The following HAPSTR1 variants were observed in gnomAD, a reference collection of about 807,000 sequenced individuals.
HAPSTR1 encodes HUWE1 associated protein modifying stress responses.
chr16:9,098,735 A>G, the HAPSTR1 span, among the ~76,000 whole-genome samples: 1 of 152,226 alleles, frequency 6.6e-6, no homozygotes, highest in East Asian at 1.9e-4. Flanking sequence ...AAGTTTAAAA[A>G]TCACGTAGTC....
chr16:9,091,868 C>T, the HAPSTR1 span: 1 of 447,436 alleles, frequency 2.2e-6, no homozygotes, highest in Non-Finnish European at 3.7e-6. Context: ...TTGCACGGGG[C>T]CGCGGGGCGG....
At chr16:9,101,140 C>T in the HAPSTR1 span, among the ~76,000 whole-genome samples, 3 of 152,186 alleles carry the variant, frequency 2.0e-5, no homozygotes, top group Non-Finnish European at 4.4e-5. Context: ...CTTAATGCCT[C>T]CAGCTCTTTC....
At chr16:9,103,207 C>T in the HAPSTR1 span, 1 of 1,614,190 alleles carries the variant, frequency 6.2e-7, no homozygotes, top group Non-Finnish European at 8.5e-7. Flanking sequence ...CGGAAACTAG[C>T]TCATCTGTAG....
At chr16:9,119,937 A>T in the HAPSTR1 span, 4 of 152,262 alleles carry the variant, frequency 2.6e-5, no homozygotes, top group Non-Finnish European at 5.9e-5. Flanking sequence ...CCAGAGGGCT[A>T]GTCAGCCTCA....
the HAPSTR1 span, chr16:9,111,190 G>T: frequency 3.3e-5 from 5 of 152,258 alleles, no homozygotes; most frequent in Admixed American, 6.5e-5. Flanking sequence ...TCTCAGCAGT[G>T]TGTGGGAACA....
chr16:9,117,389 G>A, the HAPSTR1 span: 1 of 158,456 alleles, frequency 6.3e-6, no homozygotes, highest in Non-Finnish European at 1.4e-5. Context: ...CCATGCACCT[G>A]GTTTCTATAT....
the HAPSTR1 span, chr16:9,119,296 A>G: frequency 2.6e-5 from 4 of 152,258 alleles, no homozygotes; most frequent in South Asian, 2.1e-4. Flanking sequence ...GAGATGCAAA[A>G]CAAATCATGG....
At chr16:9,115,739 G>A in the HAPSTR1 span, among the ~76,000 whole-genome samples, 474 of 152,136 alleles carry the variant, frequency 3.1e-3, 4 homozygotes, top group African/African-American at 0.011. Flanking sequence ...TTAGCCTCCC[G>A]AGTAGCTGGG....
the HAPSTR1 span, chr16:9,104,374 A>T: frequency 6.6e-6 from 1 of 152,292 alleles, no homozygotes; most frequent in South Asian, 2.1e-4. Flanking sequence ...AAGTGTTGGG[A>T]TTACAGGTGT....
chr16:9,121,568 C>G, the HAPSTR1 span: 1 of 81,254 alleles, frequency 1.2e-5, no homozygotes, highest in Non-Finnish European at 2.3e-5. Flanking sequence ...GTAAGTTTGC[C>G]TCTCTGGGCT....
chr16:9,100,534 A>G, the HAPSTR1 span, among the ~76,000 whole-genome samples: 105 of 150,588 alleles, frequency 7.0e-4, no homozygotes, highest in Non-Finnish European at 1.3e-3. Context: ...TTACATGCTT[A>G]CTTCATCTTT....
At chr16:9,097,003 C>T in the HAPSTR1 span, among the ~76,000 whole-genome samples, 8 of 151,930 alleles carry the variant, frequency 5.3e-5, no homozygotes, top group South Asian at 1.5e-3. Context: ...AGTGCAATGG[C>T]GTGATCTCGG....
At chr16:9,120,273 C>T in the HAPSTR1 span, 2 of 152,178 alleles carry the variant, frequency 1.3e-5, no homozygotes, top group South Asian at 2.1e-4. Context: ...GCTACCCCTT[C>T]TGGAAAGTTG....
chr16:9,116,643 C>G, the HAPSTR1 span: 2 of 1,605,850 alleles, frequency 1.2e-6, no homozygotes, highest in Non-Finnish European at 1.7e-6. Flanking sequence ...TTGAGCAACT[C>G]TAAAACCTTT....
the HAPSTR1 span, chr16:9,108,571 G>A: frequency 6.6e-6 from 1 of 152,024 alleles, no homozygotes; most frequent in Non-Finnish European, 1.5e-5. Context: ...TAAGACCTAG[G>A]GCTTAGGTGT....
At chr16:9,101,144 C>A in the HAPSTR1 span, among the ~76,000 whole-genome samples, 1 of 152,196 alleles carries the variant, frequency 6.6e-6, no homozygotes, top group South Asian at 2.1e-4. Flanking sequence ...ATGCCTCCAG[C>A]TCTTTCAGAA....
the HAPSTR1 span, among the ~76,000 whole-genome samples, chr16:9,098,304 G>T: frequency 2.0e-5 from 3 of 152,198 alleles, no homozygotes; most frequent in Non-Finnish European, 1.5e-5. Flanking sequence ...TTGCACTCCA[G>T]CCTGGGCAGC....
the HAPSTR1 span, among the ~76,000 whole-genome samples, chr16:9,094,829 C>T: frequency 1.3e-5 from 2 of 152,224 alleles, no homozygotes; most frequent in Admixed American, 6.5e-5. Flanking sequence ...TTAGCCTAGG[C>T]CGTATAAAAT....
chr16:9,115,254 T>A, the HAPSTR1 span, among the ~76,000 whole-genome samples: 4 of 152,302 alleles, frequency 2.6e-5, no homozygotes, highest in East Asian at 7.7e-4. Context: ...AAATTCAAAT[T>A]TAAACTACAT....
Sources: allele counts gnomAD v4.1 joint callset (sites outside exome capture counted in the v4.1 genomes callset), GRCh38; gene constraint gnomAD v4.1.1; transcripts MANE v1.5; gene names NCBI Gene and HGNC (gene_info 2026-07-23, HGNC 2026-07-21).